Variants in FHIP1A observed in about 807,000 individuals in gnomAD.
FHIP1A encodes the protein FHF complex subunit HOOK-interacting protein 1A.
A neutral mutation model predicts 88.6 loss-of-function variants in FHIP1A; 61 were observed. The observed-to-expected ratio is 0.69, with a 90% confidence interval of 0.56 to 0.85. The LOEUF (loss-of-function observed/expected upper bound fraction) is 0.85, where lower values mean the gene tolerates loss of function less well. Ranked by LOEUF, FHIP1A falls within the 40% of genes least tolerant of loss-of-function variation. The pLI is 0.00. For missense variants in FHIP1A, 1,154 were observed against 1,273.5 expected, an observed-to-expected ratio of 0.91 and a Z score of 1.43; for synonymous variants, 478 against 496.0, an observed-to-expected ratio of 0.96 and a Z score of 0.48.
Position 151,586,788 on chromosome 4 carries a change from G to A in FHIP1A, c.880G>A (p.Ala294Thr), listed in dbSNP as rs1455328291. The A allele has an allele frequency of 8.4e-6, 13 of 1,549,734 alleles. No homozygotes were observed. The highest frequency in any genetic ancestry group is 9.6e-6 in the Non-Finnish European group (11 of 1,145,616). ...QFMNSLEFCNAVIQVAHPLIR... is the reference protein window; with the variant it reads ...QFMNSLEFCNTVIQVAHPLIR... ...CATGAACTCCCTGGAGTTTTGCAAT[G>A]CAGTCATACAGGTACCAGAGCACAA... Residue 294 changes from alanine to threonine, a missense_variant, in exon 6 of 14, where the codon GCA (alanine) becomes ACA (threonine). Ala to Thr is a moderately conservative substitution (Grantham distance 58, BLOSUM62 0). Coordinates refer to ENST00000435205, the MANE Select transcript of FHIP1A (RefSeq NM_001109977.3).
intron 1 of FHIP1A, among the ~76,000 whole-genome samples, chr4:151,446,484 C>CTTTTTT (rs372904502): frequency 7.3e-6 from 1 of 136,558 alleles, no homozygotes; most frequent in Non-Finnish European, 1.6e-5. Context: ...TTTCCTTTTC[C>CTTTTTT]TTTTTTTTTT....
At chr4:151,462,636 G>A (rs1229862376) in intron 2 of FHIP1A, among the ~76,000 whole-genome samples, 3 of 152,192 alleles carry the variant, frequency 2.0e-5, no homozygotes, top group Non-Finnish European at 4.4e-5. Flanking sequence ...TTCAACTAAT[G>A]CACCTGGCCA....
At chr4:151,588,041 C>CT (rs1383295864) in intron 6 of FHIP1A, among the ~76,000 whole-genome samples, 2 of 151,750 alleles carry the variant, frequency 1.3e-5, no homozygotes, top group East Asian at 3.9e-4. Context: ...TCATTTTCTT[C>CT]TTTTTTTAAA....
At chr4:151,512,187 T>A (rs1179104032) in intron 3 of FHIP1A, among the ~76,000 whole-genome samples, 2 of 152,056 alleles carry the variant, frequency 1.3e-5, no homozygotes, top group African/African-American at 4.8e-5. Context: ...GGGTCTGGAG[T>A]GGACCTCTAG....
At chr4:151,500,514 G>A (rs1730614790) in intron 3 of FHIP1A, among the ~76,000 whole-genome samples, 1 of 151,422 alleles carries the variant, frequency 6.6e-6, no homozygotes, top group Non-Finnish European at 1.5e-5. Context: ...TGTCACTTGG[G>A]GCAACTTACT....
At chr4:151,538,603 C>CT (rs1382559016) in intron 3 of FHIP1A, among the ~76,000 whole-genome samples, 1 of 152,178 alleles carries the variant, frequency 6.6e-6, no homozygotes, top group Non-Finnish European at 1.5e-5. Context: ...GCTCTCTAGT[C>CT]TTTCTTTAGA....
chr4:151,416,375 A>G (rs1368934034), intron 1 of FHIP1A, among the ~76,000 whole-genome samples: 2 of 152,086 alleles, frequency 1.3e-5, no homozygotes, highest in Admixed American at 1.3e-4. Flanking sequence ...TGTTCATGGA[A>G]CTTTTATTTG....
chr4:151,621,152 C>G (rs1474810765), intron 7 of FHIP1A, among the ~76,000 whole-genome samples: 2 of 152,084 alleles, frequency 1.3e-5, no homozygotes, highest in African/African-American at 4.8e-5. Context: ...TTTCTCTCAC[C>G]GCACACTAAG....
chr4:151,443,341 T>C (rs893039439), intron 1 of FHIP1A, among the ~76,000 whole-genome samples: 7 of 152,064 alleles, frequency 4.6e-5, no homozygotes, highest in African/African-American at 1.7e-4. Flanking sequence ...TTTTTGAGGA[T>C]TGATCTTGCT....
At chr4:151,652,622 G>A (rs1037826115) in intron 11 of FHIP1A, among the ~76,000 whole-genome samples, 10 of 152,228 alleles carry the variant, frequency 6.6e-5, no homozygotes, top group African/African-American at 2.2e-4. Flanking sequence ...CTCTTAGTGG[G>A]AAATGCATGA....
intron 1 of FHIP1A, among the ~76,000 whole-genome samples, chr4:151,450,483 T>G (rs1358521720): frequency 6.6e-6 from 1 of 152,176 alleles, no homozygotes. Context: ...AAATTTGGAT[T>G]GTGTATTTGT....
chr4:151,423,016 A>G (rs1733234113), intron 1 of FHIP1A, among the ~76,000 whole-genome samples: 1 of 152,174 alleles, frequency 6.6e-6, no homozygotes, highest in Non-Finnish European at 1.5e-5. Flanking sequence ...GTGATCAATA[A>G]CTATTAGTGT....
chr4:151,502,187 TAGCC>T (rs1730678097), intron 3 of FHIP1A, among the ~76,000 whole-genome samples: 1 of 148,166 alleles, frequency 6.7e-6, no homozygotes, highest in Admixed American at 6.7e-5. Context: ...AAGAAAAAAT[TAGCC>T]AGGTAGTCTC....
chr4:151,652,075 A>G (rs966491001), intron 11 of FHIP1A, among the ~76,000 whole-genome samples: 13 of 152,328 alleles, frequency 8.5e-5, no homozygotes, highest in African/African-American at 2.6e-4. Flanking sequence ...ATAGCCATGA[A>G]GATTATTCTT....
intron 7 of FHIP1A, among the ~76,000 whole-genome samples, chr4:151,621,388 C>T (rs1033899574): frequency 7.5e-5 from 9 of 120,114 alleles, no homozygotes; most frequent in African/African-American, 2.2e-4. Context: ...GAGGTCTTTC[C>T]GGTGCTCATG....
chr4:151,483,628 G>C (rs1292660520), intron 3 of FHIP1A, among the ~76,000 whole-genome samples: 2 of 152,110 alleles, frequency 1.3e-5, no homozygotes, highest in Non-Finnish European at 2.9e-5. Context: ...CTTAGGGAAA[G>C]ATTTGTTAAA....
At chr4:151,491,705 A>T (rs775069283) in intron 3 of FHIP1A, among the ~76,000 whole-genome samples, 1 of 152,198 alleles carries the variant, frequency 6.6e-6, no homozygotes, top group Non-Finnish European at 1.5e-5. Context: ...GAATGGCAGA[A>T]TGGATAAAAA....
chr4:151,452,100 C>A (rs746056204), intron 1 of FHIP1A, among the ~76,000 whole-genome samples: 2 of 152,126 alleles, frequency 1.3e-5, no homozygotes, highest in Non-Finnish European at 2.9e-5. Flanking sequence ...GAATTACAGG[C>A]GTGAGCCACC....
chr4:151,573,417 G>A (rs768629122), intron 4 of FHIP1A, among the ~76,000 whole-genome samples: 5 of 152,044 alleles, frequency 3.3e-5, no homozygotes, highest in Non-Finnish European at 5.9e-5. Flanking sequence ...AATGAGCGTG[G>A]GCTTTATAAG....
Sources: allele counts gnomAD v4.1 joint callset (sites outside exome capture counted in the v4.1 genomes callset), GRCh38; gene constraint gnomAD v4.1.1; transcripts MANE v1.5; gene names NCBI Gene and HGNC (gene_info 2026-07-23, HGNC 2026-07-21).